The following GMPS variants were observed in gnomAD, a reference collection of about 807,000 sequenced individuals.
The protein encoded by GMPS is GMP synthase [glutamine-hydrolyzing].
Under a neutral mutation model 77.9 loss-of-function variants are expected in GMPS, and 15 were observed. The ratio of observed to expected loss-of-function variants is 0.19; its 90% CI spans 0.13 to 0.30. GMPS has a LOEUF of 0.30. GMPS is among the 10% of genes least tolerant of loss of function. The probability of loss-of-function intolerance (pLI) is 1.00; values close to 1 mark genes in which losing one functional copy is unlikely to be tolerated. For synonymous variants in GMPS, 224 were observed against 275.9 expected (o/e 0.81, Z 1.86); for missense variants, 590 against 838.8 (o/e 0.70, Z 3.66).
At chr3:155,934,467 A>T (rs1168701867) in intron 13 of GMPS, among the ~76,000 whole-genome samples, 1 of 152,126 alleles carries the variant, frequency 6.6e-6, no homozygotes, top group East Asian at 1.9e-4. Flanking sequence ...GTATCTGTGT[A>T]TCCAAATTTC....
chr3:155,926,823 A>G (rs1755468213), intron 12 of GMPS, among the ~76,000 whole-genome samples: 1 of 151,930 alleles, frequency 6.6e-6, no homozygotes, highest in African/African-American at 2.4e-5. Context: ...TTGGAAGTTC[A>G]AGAGCAGCCT....
intron 4 of GMPS, among the ~76,000 whole-genome samples, chr3:155,905,342 T>G (rs915835779): frequency 5.3e-5 from 8 of 152,196 alleles, no homozygotes; most frequent in African/African-American, 1.7e-4. Flanking sequence ...AGTCAGATTT[T>G]CCATAACGTA....
intron 11 of GMPS, among the ~76,000 whole-genome samples, chr3:155,923,978 T>G (rs943872805): frequency 6.6e-6 from 1 of 152,220 alleles, no homozygotes; most frequent in Non-Finnish European, 1.5e-5. Context: ...CCTCCCAGGT[T>G]TAAGCGATTC....
At chr3:155,871,764 T>A (rs1463231798) in intron 1 of GMPS, among the ~76,000 whole-genome samples, 1 of 152,242 alleles carries the variant, frequency 6.6e-6, no homozygotes, top group Non-Finnish European at 1.5e-5. Context: ...TCCGGAGTGC[T>A]GGAAAAGTTG....
rs1412328972 is a variant in GMPS, at chr3:155,930,409, A to C, written c.1561-1356A>C. Among the ~76,000 whole-genome samples, 7 of 145,274 alleles carry C rather than the reference A, an allele frequency of 4.8e-5. 1 individual carries two copies. The highest frequency in any genetic ancestry group is 4.7e-4 in the South Asian group (2 of 4,284). ...TTAGACCTAAAACCATAAAAACCCT[A>C]GAAGAAAACCTAGGCATTACCATTC... On this transcript the variant is annotated intron_variant, in intron 12 of 15. Coordinates refer to ENST00000496455, the MANE Select transcript of GMPS (RefSeq NM_003875.3).
Position 155,932,025 on chromosome 3 carries a change from C to G in GMPS, c.1676+145C>G, listed in dbSNP as rs145085608. 2.7e-5 allele frequency: 12 copies of G among 444,306 alleles called. No individual in the cohort carries two copies. In the East Asian group the frequency reaches 3.7e-4, roughly 14 times the overall value. The allele number at this position is 444,306 out of a possible 1,614,324, so 27.5% of individuals were successfully genotyped here. A position where few individuals can be genotyped will look rare whatever the true frequency, so the allele number is the denominator to read the frequency against. On this transcript the variant is annotated intron_variant, in intron 13 of 15. Coordinates refer to ENST00000496455, the MANE Select transcript of GMPS (RefSeq NM_003875.3). Reference sequence around the variant, plus strand: ...AGAGTAAATGGCTGTGTTTGTAATTCAAATATGCACATAGGTTGCAGTTAA... The same window carrying G: ...AGAGTAAATGGCTGTGTTTGTAATTGAAATATGCACATAGGTTGCAGTTAA...
intron 13 of GMPS, among the ~76,000 whole-genome samples, chr3:155,933,622 T>C (rs12496896): frequency 0.054 from 8,295 of 152,324 alleles, 315 homozygotes; most frequent in East Asian, 0.18. Context: ...TGTGCTAATA[T>C]GGTTTTCTAT....
At chr3:155,870,317 G>A (rs559065848), upstream of GMPS, among the ~76,000 whole-genome samples, 306 of 152,364 alleles carry the variant, frequency 2.0e-3, 3 homozygotes, top group African/African-American at 7.0e-3. Context: ...AGGCAAATCC[G>A]GCAGCAGCAA....
chr3:155,885,661 T>C (rs12494730), intron 1 of GMPS, among the ~76,000 whole-genome samples: 8,321 of 152,302 alleles, frequency 0.055, 318 homozygotes, highest in East Asian at 0.18. Flanking sequence ...TTTTGGATTT[T>C]GGAGTATTTG....
intron 4 of GMPS, 145 bp from the exon 5 acceptor site, chr3:155,906,015 T>C (rs1754872027): frequency 2.1e-6 from 1 of 466,162 alleles, no homozygotes; most frequent in Non-Finnish European, 3.8e-6. Flanking sequence ...GACATAATAT[T>C]TGAATTCTAG....
chr3:155,906,763 A>T (rs977895201), intron 5 of GMPS, among the ~76,000 whole-genome samples: 7 of 152,120 alleles, frequency 4.6e-5, no homozygotes, highest in African/African-American at 1.7e-4. Flanking sequence ...TGATTTTTAC[A>T]TTATTAAAGG....
intron 3 of GMPS, among the ~76,000 whole-genome samples, chr3:155,898,897 A>T (rs1754663627): frequency 6.6e-6 from 1 of 152,194 alleles, no homozygotes; most frequent in Non-Finnish European, 1.5e-5. Flanking sequence ...TCTCCATTGT[A>T]ACATTAATTA....
chr3:155,931,706 A>G, intron 12 of GMPS, 59 bp from the exon 13 acceptor site: 1 of 614,910 alleles, frequency 1.6e-6, no homozygotes, highest in Non-Finnish European at 2.9e-6. Flanking sequence ...AAGCTTTGTC[A>G]AGTTAAACTG....
intron 8 of GMPS, 29 bp downstream of exon 8, chr3:155,914,599 G>T: frequency 7.1e-7 from 1 of 1,418,276 alleles, no homozygotes; most frequent in Non-Finnish European, 9.6e-7. Context: ...TCCTCAACAT[G>T]TACTATTTTT....
chr3:155,932,939 CCCA>C (rs1424030817), intron 13 of GMPS, among the ~76,000 whole-genome samples: 1 of 152,208 alleles, frequency 6.6e-6, no homozygotes, highest in African/African-American at 2.4e-5. Flanking sequence ...CGCCTGTAAT[CCCA>C]CCACTTTGAG....
At chr3:155,873,737 C>T (rs148637526) in intron 1 of GMPS, among the ~76,000 whole-genome samples, 6,399 of 150,498 alleles carry the variant, frequency 0.043, 340 homozygotes, top group Admixed American at 0.16. Context: ...TAGGTTCACG[C>T]AGTTCTCCTG....
Position 155,882,564 on chromosome 3 carries a change from C to A in GMPS, c.28-10954C>A, listed in dbSNP as rs112701571. On this transcript the variant is annotated intron_variant, in intron 1 of 15. Transcript: ENST00000496455. ...GCTTATCAAACATCTGCAATGAAGA[C>A]CATTTAAAAAACATTTCCAGTACTG... is the stretch of plus-strand genomic sequence containing the variant. Among the ~76,000 whole-genome samples, 13 of 152,082 alleles carry A rather than the reference C, an allele frequency of 8.5e-5. 1 individual carries two copies. The highest frequency in any genetic ancestry group is 3.1e-4 in the African/African-American group (13 of 41,412).
intron 3 of GMPS, among the ~76,000 whole-genome samples, chr3:155,898,902 T>TAGG (rs1487976562): frequency 1.3e-5 from 2 of 152,142 alleles, no homozygotes; most frequent in Non-Finnish European, 2.9e-5. Context: ...ATTGTAACAT[T>TAGG]AATTAATAAG....
At chr3:155,878,661 TATAG>T (rs1197479778) in intron 1 of GMPS, among the ~76,000 whole-genome samples, 3 of 152,200 alleles carry the variant, frequency 2.0e-5, no homozygotes, top group African/African-American at 7.2e-5. Context: ...AACAGTAGGC[TATAG>T]ATAGAGAAAT....
Sources: gnomAD v4.1 joint callset for allele counts (sites outside exome capture counted in the v4.1 genomes callset) on GRCh38, gnomAD v4.1.1 for gene constraint, MANE v1.5 for transcripts, NCBI Gene and HGNC (gene_info 2026-07-23, HGNC 2026-07-21) for gene names.